The following SPTLC3 variants were observed in gnomAD, a reference collection of about 807,000 sequenced individuals.
SPTLC3 encodes the protein serine palmitoyltransferase 3.
In SPTLC3, 36 loss-of-function variants were observed where a neutral mutation model predicts 59.3. The ratio of observed to expected loss-of-function variants is 0.61; its 90% CI spans 0.47 to 0.80. The LOEUF is 0.80. SPTLC3 is among the 30% of genes least tolerant of loss of function. SPTLC3 has a pLI of 0.00. For missense variants in SPTLC3, 625 were observed against 685.1 expected (o/e 0.91, Z 0.98); for synonymous variants, 257 against 240.8 (o/e 1.07, Z -0.62).
intron 1 of SPTLC3, among the ~76,000 whole-genome samples, chr20:13,019,218 T>C (rs1053112852): frequency 6.6e-6 from 1 of 152,180 alleles, no homozygotes; most frequent in Admixed American, 6.5e-5. Flanking sequence ...TTGATAGTTT[T>C]TCCAACTTTT....
At position 13,115,761 on chromosome 20, in the gene SPTLC3, G is replaced by A. The variant is rs1366445097; in HGVS notation, c.933-1745G>A. ...AGCTCCTCCTCCTGAGGGCCGTAAC[G>A]ATTCACTAAATGCCCATCATGGATC... On this transcript the variant is annotated intron_variant, in intron 7 of 11. Coordinates refer to ENST00000399002, the MANE Select transcript of SPTLC3 (RefSeq NM_018327.4). Among the ~76,000 whole-genome samples, 8 of 152,174 alleles carry A rather than the reference G, an allele frequency of 5.3e-5. No individual in the cohort carries two copies. The South Asian group carries it at 6.2e-4, about 12-fold the overall frequency.
chr20:13,039,257 T>A (rs1268307674), intron 1 of SPTLC3, among the ~76,000 whole-genome samples: 1 of 113,782 alleles, frequency 8.8e-6, no homozygotes, highest in African/African-American at 4.9e-5. Context: ...TTTTCTACTC[T>A]ATTTCTATCA....
At chr20:13,155,529 T>A (rs980647442) in intron 10 of SPTLC3, among the ~76,000 whole-genome samples, 2 of 152,076 alleles carry the variant, frequency 1.3e-5, no homozygotes, top group African/African-American at 4.8e-5. Context: ...TCACAAGCAG[T>A]TAAAACACAC....
At chr20:13,019,459 C>T (rs971385400) in intron 1 of SPTLC3, among the ~76,000 whole-genome samples, 4 of 152,084 alleles carry the variant, frequency 2.6e-5, no homozygotes, top group Admixed American at 6.6e-5. Context: ...GAATTTGGCT[C>T]GCCTCGATTT....
intron 10 of SPTLC3, among the ~76,000 whole-genome samples, chr20:13,155,654 G>A (rs915369158): frequency 1.3e-5 from 2 of 151,914 alleles, no homozygotes; most frequent in African/African-American, 2.4e-5. Flanking sequence ...GTGAAACCCC[G>A]TGTCTACAAA....
intron 6 of SPTLC3, among the ~76,000 whole-genome samples, chr20:13,094,839 T>C (rs901996337): frequency 5.9e-5 from 9 of 152,154 alleles, no homozygotes; most frequent in African/African-American, 2.2e-4. Context: ...GACCAGACCT[T>C]CCAGAAGAGC....
At position 13,014,657 on chromosome 20, in the gene SPTLC3, A is replaced by G. The variant is rs145450693; in HGVS notation, c.117+5273A>G. On this transcript the variant is annotated intron_variant, in intron 1 of 11. Transcript: ENST00000399002. Reference sequence around the variant, plus strand: ...AACCCAGGAAGCACAGAGGAAAAATAGTGAAGTGAGGCACAGAAGGGAAGG... The same window carrying G: ...AACCCAGGAAGCACAGAGGAAAAATGGTGAAGTGAGGCACAGAAGGGAAGG... Among the ~76,000 whole-genome samples the G allele has an allele frequency of 1.5e-3, 233 of 152,262 alleles. 2 individuals carry two copies. Among genetic ancestry groups the G allele is most frequent in the African/African-American group, 5.3e-3 (220 of 41,544 alleles).
At chr20:13,094,194 T>C (rs1057498063) in intron 6 of SPTLC3, among the ~76,000 whole-genome samples, 7 of 152,132 alleles carry the variant, frequency 4.6e-5, no homozygotes, top group Admixed American at 1.3e-4. Context: ...ACATCTGAGT[T>C]CTCTCGTCCA....
At position 13,098,889 on chromosome 20, in the gene SPTLC3, T is replaced by C. The variant is rs535139084; in HGVS notation, c.826+5312T>C. On this transcript the variant is annotated intron_variant, in intron 6 of 11. Transcript: ENST00000399002. ...GGAGCTATCTGGGTAAATACTGCCC[T>C]TCCCAACTAATTGAGAATTGGGTGC... Among the ~76,000 whole-genome samples the C allele has an allele frequency of 5.3e-5, 8 of 152,298 alleles. No homozygotes were observed. The South Asian group carries it at 1.7e-3, about 32-fold the overall frequency.
In SPTLC3 at chr20:13,129,956, G is replaced by C. The variant is rs556792626; in HGVS notation, c.1279+3239G>C. On this transcript the variant is annotated intron_variant, in intron 9 of 11. Coordinates refer to ENST00000399002, the MANE Select transcript of SPTLC3 (RefSeq NM_018327.4). ...TCTTAAGAGAGAAAAAAAAAACAGA[G>C]AATGCTATGTGTATGGTCTGGTTTT... Among the ~76,000 whole-genome samples the C allele has an allele frequency of 3.3e-5, 5 of 152,162 alleles. No individual in the cohort carries two copies. The South Asian group carries it at 1.0e-3, about 32-fold the overall frequency.
intron 6 of SPTLC3, among the ~76,000 whole-genome samples, chr20:13,103,264 A>G (rs943341951): frequency 2.0e-5 from 3 of 152,184 alleles, no homozygotes; most frequent in East Asian, 1.9e-4. Context: ...CGAAAGGCTA[A>G]AAAAGGGGGA....
chr20:13,105,407 A>G (rs561542445), intron 6 of SPTLC3, among the ~76,000 whole-genome samples: 2 of 152,314 alleles, frequency 1.3e-5, no homozygotes, highest in East Asian at 3.9e-4. Context: ...TGACTTGGAA[A>G]AGACTGGGAT....
intron 7 of SPTLC3, among the ~76,000 whole-genome samples, chr20:13,110,426 G>C (rs983035893): frequency 4.6e-5 from 7 of 152,200 alleles, no homozygotes; most frequent in African/African-American, 7.2e-5. Flanking sequence ...CAGCTTGGAG[G>C]CTGGCCGGCT....
chr20:13,140,645 T>G (rs1038461516), intron 9 of SPTLC3, among the ~76,000 whole-genome samples: 1 of 152,036 alleles, frequency 6.6e-6, no homozygotes, highest in Non-Finnish European at 1.5e-5. Flanking sequence ...TCTACAGGAT[T>G]AAAAAAACAG....
intron 7 of SPTLC3, among the ~76,000 whole-genome samples, chr20:13,115,406 A>ATCATGGG (rs1990480531): frequency 6.6e-6 from 1 of 152,180 alleles, no homozygotes; most frequent in Admixed American, 6.5e-5. Flanking sequence ...TCCTAACATC[A>ATCATGGG]GCTAGACCAG....
At chr20:13,145,532 G>A (rs1568626227) in intron 9 of SPTLC3, among the ~76,000 whole-genome samples, 1 of 151,926 alleles carries the variant, frequency 6.6e-6, no homozygotes, top group Non-Finnish European at 1.5e-5. Context: ...TGGATAGGAA[G>A]AATCAACATC....
At chr20:13,079,649 G>A (rs1046899208) in intron 4 of SPTLC3, 3 of 375,258 alleles carry the variant, frequency 8.0e-6, no homozygotes, top group South Asian at 4.0e-5. Context: ...ATGTCAGACT[G>A]TTGTTTCCTT....
At chr20:13,029,126 G>A (rs556793781) in intron 1 of SPTLC3, among the ~76,000 whole-genome samples, 14 of 152,218 alleles carry the variant, frequency 9.2e-5, no homozygotes, top group Middle Eastern at 3.4e-3. Flanking sequence ...AGTACATCTC[G>A]GGTTAGTTTG....
intron 2 of SPTLC3, among the ~76,000 whole-genome samples, chr20:13,052,768 G>A (rs1372835189): frequency 6.6e-6 from 1 of 152,160 alleles, no homozygotes; most frequent in African/African-American, 2.4e-5. Flanking sequence ...TGTAAACAAA[G>A]CAGTGGGGAA....
Sources: gnomAD v4.1 joint callset for allele counts (sites outside exome capture counted in the v4.1 genomes callset) on GRCh38, gnomAD v4.1.1 for gene constraint, MANE v1.5 for transcripts, NCBI Gene and HGNC (gene_info 2026-07-23, HGNC 2026-07-21) for gene names.